The following WDR7 variants were observed in gnomAD, a reference collection of about 807,000 sequenced individuals.
The protein encoded by WDR7 is WD repeat-containing protein 7.
Under a neutral mutation model 169.4 loss-of-function variants are expected in WDR7, and 46 were observed. That is an observed-to-expected ratio of 0.27 (90% confidence interval 0.21 to 0.35). The LOEUF (loss-of-function observed/expected upper bound fraction) is 0.35. Among genes scored for constraint, WDR7 ranks in the 10% least tolerant of loss-of-function variants. The pLI is 1.00. For missense variants in WDR7, 1,534 were observed against 1,859.3 expected (o/e 0.83, Z 3.22); for synonymous variants, 612 against 666.8 (o/e 0.92, Z 1.27).
In WDR7 at chr18:56,830,049, A is replaced by G. The variant is rs567684676; in HGVS notation, c.3304+13905A>G. Among the ~76,000 whole-genome samples the G allele has an allele frequency of 2.0e-5, 3 of 152,334 alleles. No individual in the cohort carries two copies. In the East Asian group the frequency reaches 5.8e-4, roughly 29 times the overall value. On this transcript the variant is annotated intron_variant, in intron 20 of 27. Transcript: ENST00000254442. ...CAAGCAGCTCTAAATTGGTTAGTGT[A>G]CTGTCCACATATACCGGAAGTCTGC... is the stretch of plus-strand genomic sequence containing the variant.
intron 21 of WDR7, among the ~76,000 whole-genome samples, chr18:56,916,322 G>A (rs1298227287): frequency 6.7e-6 from 1 of 149,434 alleles, no homozygotes; most frequent in African/African-American, 2.5e-5. Flanking sequence ...CTGTGTCCAA[G>A]TGTTCTCATT....
chr18:56,683,059 C>T (rs1214964467), intron 5 of WDR7, among the ~76,000 whole-genome samples: 1 of 152,190 alleles, frequency 6.6e-6, no homozygotes, highest in Non-Finnish European at 1.5e-5. Flanking sequence ...TATCTCCATT[C>T]CATGATGTAT....
chr18:56,754,302 T>C (rs981146188), intron 14 of WDR7, among the ~76,000 whole-genome samples: 1 of 150,430 alleles, frequency 6.6e-6, no homozygotes, highest in Non-Finnish European at 1.5e-5. Context: ...TGTGTGTGTG[T>C]ATGTATATAC....
chr18:56,654,516 T>C lies in WDR7; in HGVS notation c.-20+2940T>C, dbSNP rs554316943. On this transcript the variant is annotated intron_variant, in intron 1 of 27. Transcript: ENST00000254442. The stretch of plus-strand genomic sequence containing the variant: ...TGTTCATCCCTTCACCCATTTTTAT[T>C]TTGGGGTTTCAGTTCTTTCTTGTTG... Among the ~76,000 whole-genome samples, 33 of 152,350 alleles carry C rather than the reference T, an allele frequency of 2.2e-4. 1 individual carries two copies. In the South Asian group the frequency reaches 6.8e-3, roughly 32 times the overall value.
chr18:56,713,143 G>A (rs767059775), intron 12 of WDR7, among the ~76,000 whole-genome samples: 19 of 152,200 alleles, frequency 1.2e-4, no homozygotes, highest in Non-Finnish European at 2.6e-4. Flanking sequence ...TCTCTTCATC[G>A]GCTATATTAC....
At chr18:56,761,347 C>T (rs2043978277) in intron 16 of WDR7, among the ~76,000 whole-genome samples, 1 of 152,146 alleles carries the variant, frequency 6.6e-6, no homozygotes, top group South Asian at 2.1e-4. Context: ...TGTTTCTGGG[C>T]TGTTTGATTC....
At chr18:56,676,581 G>T (rs1331085440) in intron 2 of WDR7, among the ~76,000 whole-genome samples, 1 of 152,054 alleles carries the variant, frequency 6.6e-6, no homozygotes, top group African/African-American at 2.4e-5. Context: ...CATGAGGCTT[G>T]CAGATACTAT....
intron 19 of WDR7, among the ~76,000 whole-genome samples, chr18:56,807,147 C>CA (rs566956902): frequency 0.2 from 17,090 of 83,562 alleles, 1,450 homozygotes; most frequent in Non-Finnish European, 0.28. Flanking sequence ...TGATCCTAGC[C>CA]AAAAAAAAAA....
At chr18:56,728,235 TC>T (rs1480748421) in intron 13 of WDR7, among the ~76,000 whole-genome samples, 3 of 152,230 alleles carry the variant, frequency 2.0e-5, no homozygotes, top group Non-Finnish European at 4.4e-5. Flanking sequence ...TTATGTTTTT[TC>T]TTTTTGTAAT....
intron 20 of WDR7, among the ~76,000 whole-genome samples, chr18:56,850,206 T>C (rs935256672): frequency 6.6e-6 from 1 of 152,242 alleles, no homozygotes; most frequent in East Asian, 1.9e-4. Flanking sequence ...CTCTGGTACA[T>C]AATTCAGTTT....
chr18:56,913,426 CTGTCA>C (rs1385096418), intron 21 of WDR7, among the ~76,000 whole-genome samples: 1 of 152,120 alleles, frequency 6.6e-6, no homozygotes, highest in Non-Finnish European at 1.5e-5. Flanking sequence ...TACTTTCTTT[CTGTCA>C]TGACTACATC....
At chr18:56,895,996 A>G (rs979377710) in intron 21 of WDR7, among the ~76,000 whole-genome samples, 2 of 151,846 alleles carry the variant, frequency 1.3e-5, no homozygotes, top group African/African-American at 4.8e-5. Context: ...AGTGCTGACA[A>G]TATACTGGTT....
chr18:56,841,020 A>G (rs2045477211), intron 20 of WDR7, among the ~76,000 whole-genome samples: 2 of 151,752 alleles, frequency 1.3e-5, no homozygotes, highest in Non-Finnish European at 2.9e-5. Flanking sequence ...GTAAAATCCC[A>G]TCTCTACTAA....
intron 19 of WDR7, among the ~76,000 whole-genome samples, chr18:56,805,347 G>C (rs1456783263): frequency 6.6e-6 from 1 of 152,122 alleles, no homozygotes; most frequent in South Asian, 2.1e-4. Context: ...CACTTCCCCA[G>C]AATCGGGCTT....
chr18:56,727,732 A>G (rs1399024160), intron 13 of WDR7, among the ~76,000 whole-genome samples: 1 of 152,076 alleles, frequency 6.6e-6, no homozygotes, highest in Admixed American at 6.6e-5. Context: ...CAGCCTCTTT[A>G]TTATTCTTTT....
chr18:56,975,491 G>C (rs1241281894), intron 26 of WDR7, among the ~76,000 whole-genome samples: 1 of 152,128 alleles, frequency 6.6e-6, no homozygotes, highest in African/African-American at 2.4e-5. Context: ...TGAGATTCTG[G>C]AAAGCCTCCC....
intron 19 of WDR7, among the ~76,000 whole-genome samples, chr18:56,808,607 T>C (rs1272516179): frequency 6.6e-6 from 1 of 152,196 alleles, no homozygotes; most frequent in East Asian, 1.9e-4. Context: ...GTTACTATAT[T>C]AAAAATTAGT....
intron 24 of WDR7, 34 bp from the exon 25 acceptor site, chr18:56,939,277 A>T: frequency 1.4e-6 from 2 of 1,474,014 alleles, no homozygotes; most frequent in Non-Finnish European, 9.1e-7. Flanking sequence ...TAAGTATTTG[A>T]AATTAATTTT....
At chr18:56,945,904 T>C (rs927675468) in intron 25 of WDR7, among the ~76,000 whole-genome samples, 1 of 152,242 alleles carries the variant, frequency 6.6e-6, no homozygotes, top group African/African-American at 2.4e-5. Context: ...TGGATGTTTA[T>C]TCATTTATAT....
Sources: allele counts gnomAD v4.1 joint callset (sites outside exome capture counted in the v4.1 genomes callset), GRCh38; gene constraint gnomAD v4.1.1; transcripts MANE v1.5; gene names NCBI Gene and HGNC (gene_info 2026-07-23, HGNC 2026-07-21).